RNF121: variants seen among roughly 807,000 people sequenced by gnomAD.
The protein encoded by RNF121 is E3 ubiquitin ligase RNF121.
In RNF121, 21 loss-of-function variants were observed where a neutral mutation model predicts 46.5. The observed-to-expected ratio is 0.45, with a 90% CI of 0.32 to 0.65. RNF121 has a LOEUF of 0.65. Ranked by LOEUF, RNF121 falls within the 30% of genes least tolerant of loss-of-function variation. RNF121 has a pLI of 0.04. For missense variants in RNF121, 346 were observed against 416.0 expected (o/e 0.83, Z 1.46); for synonymous variants, 139 against 144.7 (o/e 0.96, Z 0.28).
At chr11:71,958,365 T>C (rs1203399195) in intron 2 of RNF121, among the ~76,000 whole-genome samples, 1 of 152,182 alleles carries the variant, frequency 6.6e-6, no homozygotes, top group East Asian at 1.9e-4. Flanking sequence ...GATAAATCTT[T>C]GAAGGGGTGG....
intron 3 of RNF121, among the ~76,000 whole-genome samples, chr11:71,982,208 C>T (rs372647587): frequency 8.0e-4 from 121 of 151,904 alleles, no homozygotes; most frequent in Middle Eastern, 3.4e-3. Context: ...TGGTGGCACG[C>T]GCCTGTAATC....
At chr11:71,969,037 C>T (rs1176936357) in intron 3 of RNF121, among the ~76,000 whole-genome samples, 1 of 151,938 alleles carries the variant, frequency 6.6e-6, no homozygotes, top group African/African-American at 2.4e-5. Flanking sequence ...GGGTGTCTGC[C>T]ACCATGCCCG....
intron 4 of RNF121, among the ~76,000 whole-genome samples, chr11:71,985,339 C>T (rs1954751875): frequency 6.6e-6 from 1 of 152,246 alleles, no homozygotes; most frequent in Non-Finnish European, 1.5e-5. Flanking sequence ...CAGGGTTTTC[C>T]TGTTTTACAA....
intron 1 of RNF121, among the ~76,000 whole-genome samples, chr11:71,934,445 C>A (rs1313532886): frequency 6.6e-6 from 1 of 152,162 alleles, no homozygotes; most frequent in Non-Finnish European, 1.5e-5. Flanking sequence ...GTTGGTAAAC[C>A]CCCAGTGGGC....
intron 2 of RNF121, among the ~76,000 whole-genome samples, chr11:71,959,001 A>G (rs1009932787): frequency 5.2e-4 from 79 of 152,282 alleles, no homozygotes; most frequent in African/African-American, 1.7e-3. Flanking sequence ...AGTGTGCTCT[A>G]CCCTCTTAGC....
intron 1 of RNF121, among the ~76,000 whole-genome samples, chr11:71,935,641 A>C (rs1487309440): frequency 6.6e-6 from 1 of 152,200 alleles, no homozygotes; most frequent in East Asian, 1.9e-4. Context: ...ATGTGAACTC[A>C]GGAAAGATTC....
intron 3 of RNF121, among the ~76,000 whole-genome samples, chr11:71,970,393 G>C (rs556230171): frequency 2.1e-4 from 32 of 152,262 alleles, no homozygotes; most frequent in African/African-American, 7.2e-4. Flanking sequence ...TGACACAGTG[G>C]CTTACACCTC....
chr11:71,988,640 TAAA>T (rs35970528), intron 5 of RNF121, among the ~76,000 whole-genome samples: 14 of 137,706 alleles, frequency 1.0e-4, no homozygotes, highest in Non-Finnish European at 1.7e-4. Flanking sequence ...TCTCAACTCT[TAAA>T]AAAAAAAAAA....
intron 7 of RNF121, 120 bp downstream of exon 7, chr11:71,994,972 C>A: frequency 7.4e-7 from 1 of 1,351,672 alleles, no homozygotes; most frequent in Non-Finnish European, 1.0e-6. Context: ...TGTAGGAGAG[C>A]CACAAGAGGG....
At chr11:71,963,342 G>A (rs1444997639) in intron 3 of RNF121, among the ~76,000 whole-genome samples, 1 of 152,138 alleles carries the variant, frequency 6.6e-6, no homozygotes, top group Non-Finnish European at 1.5e-5. Flanking sequence ...CATAGTCTTG[G>A]CCCGGTGGGG....
chr11:71,958,778 G>A (rs1466494677), intron 2 of RNF121, among the ~76,000 whole-genome samples: 1 of 152,144 alleles, frequency 6.6e-6, no homozygotes, highest in East Asian at 1.9e-4. Flanking sequence ...ACCTTAAAAG[G>A]CATGTGTTCT....
intron 3 of RNF121, among the ~76,000 whole-genome samples, chr11:71,967,339 G>GTTTT (rs1251537488): frequency 5.8e-5 from 4 of 68,414 alleles, no homozygotes; most frequent in African/African-American, 8.1e-5. Context: ...TAATTATGTG[G>GTTTT]GTTTTTTTTG....
At chr11:71,956,389 A>AGAGCAGTG (rs1953992132) in intron 1 of RNF121, among the ~76,000 whole-genome samples, 1 of 152,230 alleles carries the variant, frequency 6.6e-6, no homozygotes. Flanking sequence ...GTATTATTCT[A>AGAGCAGTG]GAGCAGTGGT....
intron 1 of RNF121, among the ~76,000 whole-genome samples, chr11:71,954,076 G>A (rs554830481): frequency 1.3e-5 from 2 of 152,310 alleles, no homozygotes; most frequent in South Asian, 4.1e-4. Flanking sequence ...GAATCAGTAA[G>A]TATCCTTATC....
At chr11:71,979,463 C>T (rs777035800) in intron 3 of RNF121, among the ~76,000 whole-genome samples, 3 of 152,114 alleles carry the variant, frequency 2.0e-5, no homozygotes, top group East Asian at 1.9e-4. Flanking sequence ...TTCTTTCTCT[C>T]GATGTGACTT....
Position 71,990,682 on chromosome 11 carries a change from G to A in RNF121, c.592G>A (p.Glu198Lys), listed in dbSNP as rs1954848216. Residue 198 changes from glutamate (E) to lysine (K), a missense_variant, in exon 6 of 9, where the codon GAA (glutamate) becomes AAA (lysine). By Grantham distance (56) the Glu-to-Lys change is moderately conservative. Around this residue, in one of 2 missense-constraint regions of RNF121, gnomAD observed 286 missense variants for 383.8 expected, o/e 0.75. Transcript: ENST00000361756. Reference protein sequence around the residue: ...YYGVLERDFAEMCADYMASTI... With the variant: ...YYGVLERDFAKMCADYMASTI... ...TGGAGTTCTGGAACGGGACTTTGCA[G>A]AAATGTGTGCAGACTACATGGCATC... The A allele has an allele frequency of 1.2e-6, 2 of 1,614,082 alleles. No individual in the cohort carries two copies. Among genetic ancestry groups the A allele is most frequent in the South Asian group, 2.2e-5 (2 of 91,094 alleles).
At chr11:71,992,772 G>A (rs1407096433) in intron 6 of RNF121, among the ~76,000 whole-genome samples, 3 of 152,188 alleles carry the variant, frequency 2.0e-5, no homozygotes, top group African/African-American at 4.8e-5. Context: ...TGGACATCAC[G>A]GAGAGATGCT....
At chr11:71,970,717 C>G (rs1954403916) in intron 3 of RNF121, among the ~76,000 whole-genome samples, 1 of 152,072 alleles carries the variant, frequency 6.6e-6, no homozygotes, top group African/African-American at 2.4e-5. Context: ...CATGCATGGA[C>G]TAATGATGAG....
At chr11:71,991,234 A>AC (rs1954858048) in intron 6 of RNF121, among the ~76,000 whole-genome samples, 1 of 46,716 alleles carries the variant, frequency 2.1e-5, no homozygotes, top group Non-Finnish European at 1.3e-4. Context: ...AGTTGAAATT[A>AC]TTAAAAAAAA....
Sources: gnomAD v4.1 joint callset for allele counts (sites outside exome capture counted in the v4.1 genomes callset) on GRCh38, gnomAD v4.1.1 for gene constraint, gnomAD v4.1.1 regional missense constraint, MANE v1.5 for transcripts, NCBI Gene and HGNC (gene_info 2026-07-23, HGNC 2026-07-21) for gene names.